ALMS1: variants seen among roughly 807,000 people sequenced by gnomAD.
ALMS1 encodes ALMS1 centrosome and basal body associated protein.
ALMS1 carries 271 observed loss-of-function variants against 352.2 expected under a neutral mutation model. The ratio of observed to expected loss-of-function variants is 0.77; its 90% confidence interval spans 0.70 to 0.85. ALMS1 has a LOEUF of 0.85. Ranked by LOEUF, ALMS1 falls within the 40% of genes least tolerant of loss-of-function variation. ALMS1 has a pLI of 0.00. For missense variants in ALMS1, 5,445 were observed against 4,870.7 expected (o/e 1.12, Z -3.51); for synonymous variants, 1,865 against 1,761.2 (o/e 1.06, Z -1.48).
At chr2:73,551,481 G>C (rs1020742254) in intron 13 of ALMS1, among the ~76,000 whole-genome samples, 10 of 140,194 alleles carry the variant, frequency 7.1e-5, no homozygotes, top group Non-Finnish European at 6.0e-5. Flanking sequence ...TTGTTGCCCA[G>C]GGTGGAGTGC....
chr2:73,603,296 G>A lies in ALMS1; in HGVS notation c.12354G>A (p.Arg4118=), dbSNP rs546745992. Reference sequence around the variant, plus strand: ...TCAGCAAGAAGGAAATGATTCAGAGGTCCAAACGGTAAGACCAAGAAAACA... The same window carrying A: ...TCAGCAAGAAGGAAATGATTCAGAGATCCAAACGGTAAGACCAAGAAAACA... ...KPISKKEMIQ[R]SKRIYEQLPE... is the part of the protein sequence containing the mutation. Residue 4118 remains arginine, a synonymous_variant, in exon 21 of 23, where the codon AGG becomes AGA. Transcript: ENST00000613296. 2.9e-5 allele frequency: 47 copies of A among 1,614,042 alleles called. No homozygotes were observed. The East Asian group carries it at 1.0e-3, about 36-fold the overall frequency.
chr2:73,436,297 T>C (rs958357625), intron 7 of ALMS1, among the ~76,000 whole-genome samples: 1 of 152,242 alleles, frequency 6.6e-6, no homozygotes, highest in Admixed American at 6.5e-5. Context: ...CTCTTGTTGC[T>C]TCCAAGATAT....
intron 10 of ALMS1, among the ~76,000 whole-genome samples, chr2:73,509,232 C>T (rs775102964): frequency 6.6e-6 from 1 of 152,050 alleles, no homozygotes; most frequent in Non-Finnish European, 1.5e-5. Flanking sequence ...TTAATTGGGG[C>T]ATTTAGCTCA....
At chr2:73,460,746 T>G (rs1024582075) in intron 9 of ALMS1, among the ~76,000 whole-genome samples, 1 of 152,238 alleles carries the variant, frequency 6.6e-6, no homozygotes, top group Non-Finnish European at 1.5e-5. Context: ...ACACTAATAC[T>G]GCGCTTTTCC....
chr2:73,400,393 CTG>C (rs1670851208), intron 1 of ALMS1, among the ~76,000 whole-genome samples: 1 of 152,144 alleles, frequency 6.6e-6, no homozygotes, highest in Non-Finnish European at 1.5e-5. Context: ...AGATAATGGT[CTG>C]TTGTTTTCTT....
chr2:73,394,158 GT>G (rs2103638471), intron 1 of ALMS1, among the ~76,000 whole-genome samples: 1 of 152,144 alleles, frequency 6.6e-6, no homozygotes, highest in African/African-American at 2.4e-5. Context: ...TTTATAGTAA[GT>G]TTTGAAATGG....
chr2:73,460,165 T>C (rs550501981), intron 9 of ALMS1, among the ~76,000 whole-genome samples: 2 of 152,294 alleles, frequency 1.3e-5, no homozygotes, highest in East Asian at 3.9e-4. Context: ...GCCCCACTGC[T>C]CTTCATGCCT....
chr2:73,394,405 G>C (rs1281248091), intron 1 of ALMS1, among the ~76,000 whole-genome samples: 1 of 152,164 alleles, frequency 6.6e-6, no homozygotes, highest in Non-Finnish European at 1.5e-5. Flanking sequence ...AGGCTGGAGT[G>C]CAGTGGTGCA....
chr2:73,512,298 T>C (rs1673468901), intron 10 of ALMS1, among the ~76,000 whole-genome samples: 1 of 152,118 alleles, frequency 6.6e-6, no homozygotes, highest in Non-Finnish European at 1.5e-5. Context: ...TTGGTGAGGC[T>C]GGTCTTGAAC....
Position 73,572,528 on chromosome 2 carries a change from A to G in ALMS1, c.10651A>G (p.Asn3551Asp), listed in dbSNP as rs200992340. ...DYTRIKSLSI[N>D]VNLGNKEVMD... Reference sequence around the variant, plus strand: ...TACCAGAATAAAGAGCCTCAGCATCAATGTGAATTTGGGAAACAAAGAAGT... The same window carrying G: ...TACCAGAATAAAGAGCCTCAGCATCGATGTGAATTTGGGAAACAAAGAAGT... Residue 3551 changes from asparagine to aspartate, a missense_variant, in exon 16 of 23, where the codon AAT becomes GAT. By Grantham distance (23) the Asn-to-Asp change is conservative. Coordinates refer to ENST00000613296, the MANE Select transcript of ALMS1 (RefSeq NM_001378454.1). 40 of 1,613,804 alleles carry G rather than the reference A, an allele frequency of 2.5e-5. No individual in the cohort carries two copies. The African/African-American group carries it at 5.1e-4, about 20-fold the overall frequency.
chr2:73,544,343 C>T (rs1291336504), intron 12 of ALMS1, among the ~76,000 whole-genome samples: 1 of 152,052 alleles, frequency 6.6e-6, no homozygotes, highest in East Asian at 1.9e-4. Context: ...AGGAAGGGAA[C>T]ATCACACACT....
At chr2:73,438,914 T>G (rs1671659205) in intron 7 of ALMS1, among the ~76,000 whole-genome samples, 1 of 152,158 alleles carries the variant, frequency 6.6e-6, no homozygotes, top group Admixed American at 6.5e-5. Context: ...AAGAATTCTC[T>G]TTGTCCCTCG....
chr2:73,425,874 T>TA (rs997889894), intron 5 of ALMS1, among the ~76,000 whole-genome samples: 9 of 152,204 alleles, frequency 5.9e-5, no homozygotes, highest in African/African-American at 2.2e-4. Context: ...AATTACCCCC[T>TA]AATGCTCTTC....
chr2:73,386,766 GTC>G (rs1191518676), intron 1 of ALMS1, among the ~76,000 whole-genome samples: 1 of 152,170 alleles, frequency 6.6e-6, no homozygotes, highest in African/African-American at 2.4e-5. Context: ...GCTCCAAACA[GTC>G]TGCAAAACTA....
At chr2:73,426,889 C>A (rs775864483) in intron 6 of ALMS1, among the ~76,000 whole-genome samples, 3 of 152,118 alleles carry the variant, frequency 2.0e-5, no homozygotes, top group Non-Finnish European at 2.9e-5. Context: ...TTTGAAAATA[C>A]TTTATTTGAA....
chr2:73,609,846 A>T lies in ALMS1; in HGVS notation c.*234A>T, dbSNP rs1038416083. The T allele has an allele frequency of 3.8e-6, 2 of 521,150 alleles. No individual in the cohort carries two copies. Among genetic ancestry groups the T allele is most frequent in the Non-Finnish European group, 6.9e-6 (2 of 289,048 alleles). The allele number at this position is 521,150 out of a possible 1,614,324, so 32.3% of individuals were successfully genotyped here. On this transcript the variant is annotated 3_prime_UTR_variant, in exon 23 of 23. Transcript: ENST00000613296. The stretch of plus-strand genomic sequence containing the variant: ...ATGGCCTGTGTGTTACAATGATATG[A>T]TCATTTCTCAAGAATAAGTCCCTTT...
At chr2:73,558,883 G>C (rs1349073091) in intron 14 of ALMS1, 89 bp from the exon 15 acceptor site, 3 of 1,380,136 alleles carry the variant, frequency 2.2e-6, no homozygotes, top group Middle Eastern at 2.2e-4. Flanking sequence ...CAGTAACAAA[G>C]CCTTTCACAT....
chr2:73,402,219 G>A (rs1022655327), intron 1 of ALMS1, among the ~76,000 whole-genome samples: 13 of 151,056 alleles, frequency 8.6e-5, no homozygotes, highest in African/African-American at 2.9e-4. Context: ...GGAATTGCTA[G>A]GTCATACAAG....
At chr2:73,597,763 T>G (rs1475643112) in intron 16 of ALMS1, among the ~76,000 whole-genome samples, 1 of 151,752 alleles carries the variant, frequency 6.6e-6, no homozygotes, top group Admixed American at 6.6e-5. Flanking sequence ...CCTAGCTGTT[T>G]GGAATCCTGA....
Sources: gnomAD v4.1 joint callset for allele counts (sites outside exome capture counted in the v4.1 genomes callset) on GRCh38, gnomAD v4.1.1 for gene constraint, MANE v1.5 for transcripts, NCBI Gene and HGNC (gene_info 2026-07-23, HGNC 2026-07-21) for gene names.